PWWP3A: variants seen among roughly 807,000 people sequenced by gnomAD.
PWWP3A encodes PWWP domain-containing DNA repair factor 3A.
In PWWP3A, 53 loss-of-function variants were observed where a neutral mutation model predicts 79.0. That is an observed-to-expected ratio of 0.67 (90% confidence interval 0.54 to 0.84). The LOEUF (loss-of-function observed/expected upper bound fraction) is 0.84. Among genes scored for constraint, PWWP3A ranks in the 40% least tolerant of loss-of-function variants. PWWP3A has a pLI of 0.00. For synonymous variants in PWWP3A, 443 were observed against 394.4 expected (o/e 1.12, Z -1.46); for missense variants, 973 against 948.0 (o/e 1.03, Z -0.35).
rs1350699607 is a variant in PWWP3A, at chr19:1,376,291, G to GTTTTTTTTTTTTTTTTTT, written c.2076-225_2076-224insTTTTTTTTTTTTTTTTTT. 9.6e-4 allele frequency among the ~76,000 whole-genome samples: 49 copies of GTTTTTTTTTTTTTTTTTT among 50,848 alleles called. 3 individuals are homozygous for GTTTTTTTTTTTTTTTTTT. The highest frequency in any genetic ancestry group is 0.019 in the Middle Eastern group (1 of 52). 33.4% of individuals were successfully genotyped at this position (50,848 alleles called of 152,430 possible). On this transcript the variant is annotated intron_variant, in intron 13 of 13. Transcript: ENST00000591337. The stretch of plus-strand genomic sequence containing the variant: ...CAGACATGCGCCACCACGCCCGGCT[G>GTTTTTTTTTTTTTTTTTT]TTTGTTTTTTTTTTTGTTTGTTTTT...
intron 5 of PWWP3A, 27 bp from the exon 6 acceptor site, chr19:1,362,223 G>GA: frequency 6.3e-7 from 1 of 1,583,468 alleles, no homozygotes; most frequent in Non-Finnish European, 8.6e-7. Context: ...CAATGACCAT[G>GA]AAAGTCTAAT....
At chr19:1,370,320 A>G (rs2082223845) in intron 11 of PWWP3A, among the ~76,000 whole-genome samples, 1 of 152,134 alleles carries the variant, frequency 6.6e-6, no homozygotes, top group Non-Finnish European at 1.5e-5. Flanking sequence ...ACAGTAGTGG[A>G]GTTTTCCATG....
At chr19:1,375,407 A>T (rs1381739440) in intron 13 of PWWP3A, among the ~76,000 whole-genome samples, 2 of 112,518 alleles carry the variant, frequency 1.8e-5, no homozygotes, top group Middle Eastern at 4.0e-3. Flanking sequence ...TATATATATA[A>T]TATATATTAT....
intron 7 of PWWP3A, among the ~76,000 whole-genome samples, chr19:1,365,505 C>G (rs568337459): frequency 6.6e-6 from 1 of 152,268 alleles, no homozygotes; most frequent in Non-Finnish European, 1.5e-5. Flanking sequence ...AGGCTCCTTG[C>G]ATGTGACTGA....
intron 4 of PWWP3A, chr19:1,359,012 C>T (rs1204247374): frequency 3.3e-6 from 1 of 302,868 alleles, no homozygotes; most frequent in Non-Finnish European, 6.7e-6. Context: ...CTCTCGGCTT[C>T]CCATCCATCC....
intron 13 of PWWP3A, among the ~76,000 whole-genome samples, chr19:1,375,705 TATA>T (rs1054566847): frequency 5.0e-5 from 7 of 140,606 alleles, no homozygotes; most frequent in African/African-American, 1.6e-4. Context: ...CAATTTAATA[TATA>T]ATATATATAA....
chr19:1,367,257 T>A (rs1416438670), intron 9 of PWWP3A, 37 bp downstream of exon 9: 1 of 1,559,292 alleles, frequency 6.4e-7, no homozygotes, highest in Admixed American at 1.7e-5. Context: ...TTTAAATGGT[T>A]TACTTTGTGA....
At chr19:1,371,460 C>T (rs753223048) in intron 12 of PWWP3A, 1 of 694,982 alleles carries the variant, frequency 1.4e-6, no homozygotes, top group Non-Finnish European at 2.6e-6. Context: ...CCCAGATAAA[C>T]CCACTGTAAG....
intron 6 of PWWP3A, among the ~76,000 whole-genome samples, chr19:1,362,625 C>T (rs775945350): frequency 4.7e-4 from 72 of 152,272 alleles, no homozygotes; most frequent in Admixed American, 1.1e-3. Flanking sequence ...ACCTCAAGCC[C>T]TTGTCCTCCT....
At position 1,370,733 on chromosome 19, in the gene PWWP3A, G is replaced by T; in HGVS notation, c.1641G>T (p.Gly547=). Residue 547 remains glycine (G), a synonymous_variant, in exon 12 of 14, where the codon GGG becomes GGT. Transcript: ENST00000591337. ...GGAGCCCCGAGGAGCCCGTGGTGGG[G>T]TGCCCCCTGGGGCAGAGGCAGCCCT... The part of the protein sequence containing the change: ...SKGSPEEPVV[G]CPLGQRQPCR... 2 of 1,477,870 alleles carry T rather than the reference G, an allele frequency of 1.4e-6. No individual in the cohort carries two copies. Among genetic ancestry groups the T allele is most frequent in the Non-Finnish European group, 1.8e-6 (2 of 1,111,550 alleles). 91.5% of individuals were successfully genotyped at this position (1,477,870 alleles called of 1,614,324 possible).
intron 13 of PWWP3A, chr19:1,374,050 G>T (rs1026334169): frequency 1.3e-5 from 2 of 152,364 alleles, no homozygotes; most frequent in Middle Eastern, 3.4e-3. Flanking sequence ...CATGCTTGCC[G>T]TAAGAATAAG....
At chr19:1,355,522 A>G (rs1344519986) in intron 1 of PWWP3A, among the ~76,000 whole-genome samples, 1 of 77,466 alleles carries the variant, frequency 1.3e-5, no homozygotes, top group Admixed American at 1.8e-4. Context: ...TGCCACCTGG[A>G]CCCTCCGCTC....
chr19:1,368,794 G>T lies in PWWP3A; in HGVS notation c.1423-471G>T, dbSNP rs2082182466. On this transcript the variant is annotated intron_variant, in intron 9 of 13. Transcript: ENST00000591337. This position sits in a 1 kb window ranked among gnomAD's most constrained non-coding sequence, Gnocchi z 4.7. ...TGATGTCCTGTCATGTGGCACAGTG[G>T]CCACAGGGGAGGTGTTTGCACCGTC... Among the ~76,000 whole-genome samples the T allele has an allele frequency of 1.3e-5, 2 of 152,218 alleles. No individual in the cohort carries two copies. Among genetic ancestry groups the T allele is most frequent in the South Asian group, 2.1e-4 (1 of 4,832 alleles).
At chr19:1,373,436 T>G in intron 13 of PWWP3A, 1 of 474,816 alleles carries the variant, frequency 2.1e-6, no homozygotes. Context: ...TAATCTCTTT[T>G]TGCAGGGGCT....
At chr19:1,358,368 G>A (rs762294392) in intron 3 of PWWP3A, 26 bp from the exon 4 acceptor site, 6 of 1,603,002 alleles carry the variant, frequency 3.7e-6, no homozygotes, top group Admixed American at 1.7e-5. Flanking sequence ...GGCTGGTGGT[G>A]TGTAACGTCG....
intron 2 of PWWP3A, 60 bp from the exon 3 acceptor site, chr19:1,356,949 C>T: frequency 7.2e-7 from 1 of 1,385,872 alleles, no homozygotes; most frequent in Non-Finnish European, 1.0e-6. Context: ...CTAAAGTTTG[C>T]CACTGTTTCT....
At position 1,365,300 on chromosome 19, in the gene PWWP3A, TTCTCTGCTTCTG is replaced by T. The variant is rs2082104942; in HGVS notation, c.1284+729_1284+740del. On this transcript the variant is annotated intron_variant, in intron 7 of 13. Coordinates refer to ENST00000591337, the MANE Select transcript of PWWP3A (RefSeq NM_001369789.1). ...GGTGATGAGTTCAAGCCGGGGCAGA[TTCTCTGCTTCTG>T]TCTCTGCAGGCCTGGAAGTTGCAGG... Among the ~76,000 whole-genome samples, 4 of 152,266 alleles carry T rather than the reference TTCTCTGCTTCTG, an allele frequency of 2.6e-5. No individual in the cohort carries two copies. In the South Asian group the frequency reaches 8.3e-4, roughly 32 times the overall value.
chr19:1,363,742 CA>C (rs1045572039), intron 6 of PWWP3A, among the ~76,000 whole-genome samples: 10 of 152,324 alleles, frequency 6.6e-5, no homozygotes, highest in African/African-American at 2.4e-4. Flanking sequence ...AAATGCCCCT[CA>C]CTGGGGAAAC....
chr19:1,363,810 G>C (rs1468281455), intron 6 of PWWP3A, among the ~76,000 whole-genome samples: 1 of 152,094 alleles, frequency 6.6e-6, no homozygotes, highest in African/African-American at 2.4e-5. Flanking sequence ...CTTTTTCTCT[G>C]GTCACGTTGG....
Sources: gnomAD v4.1 joint callset for allele counts (sites outside exome capture counted in the v4.1 genomes callset) on GRCh38, gnomAD v4.1.1 for gene constraint, Gnocchi (gnomAD v3.1) non-coding constraint, MANE v1.5 for transcripts, NCBI Gene and HGNC (gene_info 2026-07-23, HGNC 2026-07-21) for gene names.